Variants in HTR7 observed in about 807,000 individuals in gnomAD.
The protein encoded by HTR7 is 5-HT-7.
Under a neutral mutation model 34.0 loss-of-function variants are expected in HTR7, and 16 were observed. The observed-to-expected ratio is 0.47, with a 90% CI of 0.32 to 0.71. The LOEUF (loss-of-function observed/expected upper bound fraction) is 0.71. HTR7 is among the 30% of genes least tolerant of loss of function. The pLI, the probability that HTR7 is intolerant of heterozygous loss-of-function variation, is 0.04. For missense variants in HTR7, 504 were observed against 625.5 expected (o/e 0.81, Z 2.07); for synonymous variants, 265 against 260.2 (o/e 1.02, Z -0.18).
At chr10:90,768,614 T>C (rs1845058988) in intron 1 of HTR7, among the ~76,000 whole-genome samples, 1 of 152,260 alleles carries the variant, frequency 6.6e-6, no homozygotes, top group Non-Finnish European at 1.5e-5. Context: ...TAATATATCC[T>C]CAAGATACTT....
intron 1 of HTR7, among the ~76,000 whole-genome samples, chr10:90,772,740 C>T (rs1845136538): frequency 6.6e-6 from 1 of 152,094 alleles, no homozygotes; most frequent in Non-Finnish European, 1.5e-5. Context: ...TTACTAAAAG[C>T]AGAACAAGAA....
intron 1 of HTR7, among the ~76,000 whole-genome samples, chr10:90,792,947 T>C (rs1845481425): frequency 6.6e-6 from 1 of 151,832 alleles, no homozygotes. Context: ...ACTATAAAAC[T>C]CCTAAAAGAA....
chr10:90,839,716 A>G (rs1443518649), intron 1 of HTR7, among the ~76,000 whole-genome samples: 2 of 152,182 alleles, frequency 1.3e-5, no homozygotes, highest in Non-Finnish European at 2.9e-5. Flanking sequence ...ATCATTTTGC[A>G]GGGGTCCTTA....
intron 2 of HTR7, among the ~76,000 whole-genome samples, chr10:90,746,101 T>TG (rs757679544): frequency 6.6e-6 from 1 of 152,190 alleles, no homozygotes; most frequent in Non-Finnish European, 1.5e-5. Context: ...TATATGACTG[T>TG]GGGGGAAATC....
chr10:90,814,283 A>C (rs947306139), intron 1 of HTR7, among the ~76,000 whole-genome samples: 6 of 152,198 alleles, frequency 3.9e-5, no homozygotes, highest in African/African-American at 1.4e-4. Flanking sequence ...GACTCACTTT[A>C]TGATGATAGG....
chr10:90,786,829 C>T (rs945396256), intron 1 of HTR7, among the ~76,000 whole-genome samples: 1 of 152,110 alleles, frequency 6.6e-6, no homozygotes, highest in Non-Finnish European at 1.5e-5. Context: ...GTGGTGATAC[C>T]TCCAGGAGAC....
At chr10:90,826,940 A>C (rs1299611717) in intron 1 of HTR7, among the ~76,000 whole-genome samples, 1 of 151,778 alleles carries the variant, frequency 6.6e-6, no homozygotes, top group African/African-American at 2.4e-5. Flanking sequence ...CCATCTCAAA[A>C]AATAAAAATA....
intron 1 of HTR7, among the ~76,000 whole-genome samples, chr10:90,832,475 G>A (rs553057267): frequency 3.1e-4 from 47 of 152,270 alleles, no homozygotes; most frequent in African/African-American, 1.0e-3. Context: ...CTCCGAGTGC[G>A]GGCCCGCCAA....
At chr10:90,779,267 T>C (rs557862994) in intron 1 of HTR7, among the ~76,000 whole-genome samples, 9 of 152,180 alleles carry the variant, frequency 5.9e-5, no homozygotes, top group African/African-American at 2.2e-4. Flanking sequence ...TTAGGACAAA[T>C]AGAGAAAGAG....
At chr10:90,831,758 G>C (rs186050478) in intron 1 of HTR7, among the ~76,000 whole-genome samples, 1 of 152,120 alleles carries the variant, frequency 6.6e-6, no homozygotes, top group Non-Finnish European at 1.5e-5. Flanking sequence ...AGTTATCCAC[G>C]TCCCCACTAG....
Position 90,749,274 on chromosome 10 carries a change from A to C in HTR7, c.860T>G (p.Ile287Ser). ...GFPRVEPDSV[I>S]ALNGIVKLQK... Reference sequence around the variant, plus strand: ...GAGCTTCACTATGCCATTCAGGGCGATGACGCTGTCTGGCTCCACTCGAGG... The same window carrying C: ...GAGCTTCACTATGCCATTCAGGGCGCTGACGCTGTCTGGCTCCACTCGAGG... Residue 287 changes from isoleucine (I) to serine (S), a missense_variant, in exon 2 of 4, where the codon ATC becomes AGC. This residue lies in a region of HTR7 where 57 missense variants were observed against 47.5 expected (regional missense o/e 1.20). Coordinates refer to ENST00000336152, the MANE Select transcript of HTR7 (RefSeq NM_019859.4). The surrounding 1 kb of genome is among the most constrained non-coding windows in gnomAD (Gnocchi z 4.2). The C allele has an allele frequency of 6.2e-7, 1 of 1,614,168 alleles. No individual in the cohort carries two copies. Among genetic ancestry groups the C allele is most frequent in the East Asian group, 2.2e-5 (1 of 44,878 alleles).
chr10:90,850,736 T>C (rs1415702893), intron 1 of HTR7, among the ~76,000 whole-genome samples: 6 of 152,192 alleles, frequency 3.9e-5, no homozygotes, highest in Admixed American at 1.3e-4. Context: ...AATACTATTA[T>C]GGAAATTAAC....
At chr10:90,845,795 C>T (rs1027756599) in intron 1 of HTR7, among the ~76,000 whole-genome samples, 2 of 152,210 alleles carry the variant, frequency 1.3e-5, no homozygotes, top group Non-Finnish European at 2.9e-5. Context: ...AGACCACCGC[C>T]TGCATGGGAT....
At chr10:90,818,889 A>T (rs1362235587) in intron 1 of HTR7, among the ~76,000 whole-genome samples, 1 of 152,034 alleles carries the variant, frequency 6.6e-6, no homozygotes, top group Admixed American at 6.6e-5. Flanking sequence ...TTCTCATGAG[A>T]TCTGGTTGTT....
At chr10:90,795,753 A>T (rs115297971) in intron 1 of HTR7, among the ~76,000 whole-genome samples, 2,462 of 152,242 alleles carry the variant, frequency 0.016, 83 homozygotes, top group African/African-American at 0.055. Context: ...TTTATACATT[A>T]AGGAAGACAT....
intron 1 of HTR7, among the ~76,000 whole-genome samples, chr10:90,793,946 C>T (rs1845497524): frequency 6.6e-6 from 1 of 152,168 alleles, no homozygotes; most frequent in Non-Finnish European, 1.5e-5. Flanking sequence ...CTTCCAACTT[C>T]TTCTGCCTGC....
intron 1 of HTR7, among the ~76,000 whole-genome samples, chr10:90,787,369 T>C (rs1049765200): frequency 2.0e-5 from 3 of 151,912 alleles, no homozygotes; most frequent in Non-Finnish European, 4.4e-5. Context: ...GCACCTGTAC[T>C]CCCAGCTACT....
intron 1 of HTR7, among the ~76,000 whole-genome samples, chr10:90,850,595 CGAA>C (rs776476979): frequency 6.6e-6 from 1 of 151,868 alleles, no homozygotes; most frequent in Non-Finnish European, 1.5e-5. Flanking sequence ...AGTCAGGAAA[CGAA>C]GAGTCAAACT....
At chr10:90,837,934 C>G (rs1490522519) in intron 1 of HTR7, among the ~76,000 whole-genome samples, 1 of 152,190 alleles carries the variant, frequency 6.6e-6, no homozygotes, top group Admixed American at 6.5e-5. Flanking sequence ...AAAACACTTT[C>G]CCCTTAATTT....
Sources: gnomAD v4.1 joint callset for allele counts (sites outside exome capture counted in the v4.1 genomes callset) on GRCh38, gnomAD v4.1.1 for gene constraint, gnomAD v4.1.1 regional missense constraint, Gnocchi (gnomAD v3.1) non-coding constraint, MANE v1.5 for transcripts, NCBI Gene and HGNC (gene_info 2026-07-23, HGNC 2026-07-21) for gene names.